Variants in KRT33A observed in about 807,000 individuals in gnomAD.
KRT33A encodes the protein keratin, type I cuticular Ha3-I.
In KRT33A, 44 loss-of-function variants were observed where a neutral mutation model predicts 41.1. That is an observed-to-expected ratio of 1.07 (90% confidence interval 0.84 to 1.38). The LOEUF (loss-of-function observed/expected upper bound fraction) is 1.38, where lower values mean the gene tolerates loss of function less well. Ranked by LOEUF, KRT33A falls within the 40% of genes most tolerant of loss-of-function variation. The probability of loss-of-function intolerance (pLI) is 0.00; values close to 1 mark genes in which losing one functional copy is unlikely to be tolerated. For synonymous variants in KRT33A, 229 were observed against 227.8 expected (o/e 1.01, Z -0.05); for missense variants, 536 against 518.5 (o/e 1.03, Z -0.33).
chr17:41,347,263 C>A, intron 3 of KRT33A, 41 bp from the exon 4 acceptor site: 1 of 1,562,118 alleles, frequency 6.4e-7, no homozygotes, highest in Non-Finnish European at 8.6e-7. Flanking sequence ...CACAAAGGAT[C>A]TTGGTGCTCT....
intron 1 of KRT33A, among the ~76,000 whole-genome samples, 167 bp downstream of exon 1, chr17:41,350,253 G>A (rs2017485615): frequency 6.6e-6 from 1 of 152,084 alleles, no homozygotes. Flanking sequence ...CAAATATTTA[G>A]ACCTAACAGT....
At position 41,346,589 on chromosome 17, in the gene KRT33A, G is replaced by A. The variant is rs776896897; in HGVS notation, c.956C>T (p.Thr319Ile). Residue 319 changes from threonine to isoleucine, a missense_variant, in exon 6 of 7, where the codon ACC becomes ATC. By Grantham distance (89) the Thr-to-Ile change is moderately conservative. Coordinates refer to ENST00000007735, the MANE Select transcript of KRT33A (RefSeq NM_004138.4). ...SQLSQVQRLITNVESQLAEIR... is the reference protein window; with the variant it reads ...SQLSQVQRLIINVESQLAEIR... Reference sequence around the variant, plus strand: ...CTCCGCCAGCTGGGACTCCACGTTGGTGATCAGTCTCTGCACCTGGGACAG... The same window carrying A: ...CTCCGCCAGCTGGGACTCCACGTTGATGATCAGTCTCTGCACCTGGGACAG... 5.0e-6 allele frequency: 8 copies of A among 1,614,118 alleles called. No individual in the cohort carries two copies. The highest frequency in any genetic ancestry group is 4.5e-5 in the East Asian group (2 of 44,886).
intron 3 of KRT33A, among the ~76,000 whole-genome samples, chr17:41,348,098 T>C (rs1448942854): frequency 1.3e-5 from 2 of 152,216 alleles, no homozygotes; most frequent in African/African-American, 2.4e-5. Context: ...CGAAGAGAAT[T>C]GCATTTTGTT....
In KRT33A at chr17:41,349,425, G is replaced by A; in HGVS notation, c.352C>T (p.Leu118=). The change falls in exon 2 of 7, where the codon CTG becomes TTG. Residue 118 remains leucine (L), a synonymous_variant. Coordinates refer to ENST00000007735, the MANE Select transcript of KRT33A (RefSeq NM_004138.4). ...CTGGCATTCTCAGACTTGCTGCACA[G>A]GATCTAGAAGGCCCAAAACATTCAA... is the stretch of plus-strand genomic sequence containing the variant. ...KTIEELQQKI[L]CSKSENARLV... The A allele has an allele frequency of 6.2e-7, 1 of 1,614,096 alleles. No homozygotes were observed. The highest frequency in any genetic ancestry group is 8.5e-7 in the Non-Finnish European group (1 of 1,180,014).
intron 3 of KRT33A, among the ~76,000 whole-genome samples, chr17:41,348,074 G>A (rs1203347647): frequency 1.3e-5 from 2 of 152,248 alleles, no homozygotes; most frequent in Non-Finnish European, 2.9e-5. Context: ...AGCAGAAAGA[G>A]CTCTGGACAG....
intron 3 of KRT33A, 65 bp downstream of exon 3, chr17:41,348,418 G>A (rs902532828): frequency 4.4e-6 from 7 of 1,574,066 alleles, no homozygotes. Context: ...GCCTGTCCTG[G>A]ACCCTGTGGC....
In KRT33A at chr17:41,346,123, T is replaced by C; in HGVS notation, c.1211A>G (p.Tyr404Cys). The C allele has an allele frequency of 6.2e-7, 1 of 1,607,860 alleles. No homozygotes were observed. The highest frequency in any genetic ancestry group is 1.1e-5 in the South Asian group (1 of 90,960). Residue 404 changes from tyrosine (Y) to cysteine (C), a missense_variant, in exon 7 of 7, where the codon TAC becomes TGC. Coordinates refer to ENST00000007735, the MANE Select transcript of KRT33A (RefSeq NM_004138.4). ...CTCCTCCTGGTTGTGGGGCCTCTAG[T>C]ACCCAAATGTGTTGCAAGGCCCACA... ...ARCGPCNTFG[Y>C]
Position 41,348,497 on chromosome 17 carries a change from G to T in KRT33A, c.574C>A (p.Gln192Lys). 6.2e-7 allele frequency: 1 copy of T among 1,614,016 alleles called. No homozygotes were observed. Among genetic ancestry groups the T allele is most frequent in the South Asian group, 1.1e-5 (1 of 91,068 alleles). The stretch of plus-strand genomic sequence containing the variant: ...AGGGAACTCACCTGCTCATGGTTCT[G>T]CTTGAGGCACAGCAGCTCCTCCTTC... Reference protein sequence around the residue: ...SLKEELLCLKQNHEQEVNTLR... With the variant: ...SLKEELLCLKKNHEQEVNTLR... Residue 192 changes from glutamine to lysine, a missense_variant, in exon 3 of 7, where the codon CAG becomes AAG. Coordinates refer to ENST00000007735, the MANE Select transcript of KRT33A (RefSeq NM_004138.4).
chr17:41,346,820 C>A lies in KRT33A; in HGVS notation c.876+24G>T, dbSNP rs529758063. 8.7e-6 allele frequency: 14 copies of A among 1,611,590 alleles called. No homozygotes were observed. In the South Asian group the frequency reaches 1.5e-4, roughly 18 times the overall value. Reference sequence around the variant, plus strand: ...CTGCCTCCCAAGTTCCCATCGCTCACCAGCAGGTCTGAACAATACACACCA... The same window carrying A: ...CTGCCTCCCAAGTTCCCATCGCTCAACAGCAGGTCTGAACAATACACACCA... On this transcript the variant is annotated intron_variant, in intron 5 of 6. Coordinates refer to ENST00000007735, the MANE Select transcript of KRT33A (RefSeq NM_004138.4).
chr17:41,350,476 A>G lies in KRT33A; in HGVS notation c.292T>C (p.Leu98=). The stretch of plus-strand genomic sequence containing the variant: ...TAGGACTGGTAGCTGGCACACACCA[A>G]GGGCTCCTGCTGCTGTGACCGCTCC... ...IRERSQQQEP[L]VCASYQSYFK... The change falls in exon 1 of 7, where the codon TTG becomes CTG. Residue 98 remains leucine, a synonymous_variant. Transcript: ENST00000007735. 1 of 1,614,088 alleles carries G rather than the reference A, an allele frequency of 6.2e-7. No individual in the cohort carries two copies. Among genetic ancestry groups the G allele is most frequent in the Non-Finnish European group, 8.5e-7 (1 of 1,180,022 alleles).
chr17:41,350,275 T>C (rs1056104529), intron 1 of KRT33A, 145 bp downstream of exon 1: 6 of 868,342 alleles, frequency 6.9e-6, no homozygotes, highest in East Asian at 5.3e-5. Context: ...CCAAGTCTAG[T>C]ATTAGATGGG....
In KRT33A at chr17:41,350,599, T is replaced by C; in HGVS notation, c.169A>G (p.Lys57Glu). 1 of 1,613,308 alleles carries C rather than the reference T, an allele frequency of 6.2e-7. No homozygotes were observed. The highest frequency in any genetic ancestry group is 8.5e-7 in the Non-Finnish European group (1 of 1,180,036). ...FCEGSFNGSE[K>E]ETMQFLNDRL... ...TCGTTCAGGAACTGCATGGTCTCCT[T>C]CTCACTGCCATTGAAGGAGCCCTCA... The change falls in exon 1 of 7, where the codon AAG (lysine) becomes GAG (glutamate). Residue 57 changes from lysine to glutamate, a missense_variant. Physicochemically the swap from Lys to Glu is moderately conservative, Grantham distance 56 (BLOSUM62 1). Transcript: ENST00000007735.
In KRT33A at chr17:41,346,205, C is replaced by A. The variant is rs1262442304; in HGVS notation, c.1129G>T (p.Ala377Ser). The change falls in exon 7 of 7, where the codon GCA (alanine) becomes TCA (serine). Residue 377 changes from alanine to serine, a missense_variant. By Grantham distance (99) the Ala-to-Ser change is moderately conservative. Coordinates refer to ENST00000007735, the MANE Select transcript of KRT33A (RefSeq NM_004138.4). ...CAGGGCCCAGTGGACTTGTCACATG[C>A]ATTGGTTGTGGCGCAGGGGTTGGAG... ...LPSNPCATTN[A>S]CDKSTGPCIS... 2 of 1,614,092 alleles carry A rather than the reference C, an allele frequency of 1.2e-6. No individual in the cohort carries two copies. Among genetic ancestry groups the A allele is most frequent in the Non-Finnish European group, 1.7e-6 (2 of 1,179,998 alleles).
In KRT33A at chr17:41,350,441, G is replaced by T. The variant is rs752047674; in HGVS notation, c.327C>A (p.Thr109=). Residue 109 remains threonine (T), a synonymous_variant, in exon 1 of 7, where the codon ACC becomes ACA. Transcript: ENST00000007735. Reference sequence around the variant, plus strand: ...TCACCTTCTGCTGGAGCTCCTCAATGGTCTTGAAGTAGGACTGGTAGCTGG... The same window carrying T: ...TCACCTTCTGCTGGAGCTCCTCAATTGTCTTGAAGTAGGACTGGTAGCTGG... ...VCASYQSYFK[T]IEELQQKILC... 4 of 1,613,904 alleles carry T rather than the reference G, an allele frequency of 2.5e-6. No individual in the cohort carries two copies. Among genetic ancestry groups the T allele is most frequent in the East Asian group, 2.2e-5 (1 of 44,874 alleles).
chr17:41,348,761 T>A (rs1183374332), intron 2 of KRT33A, 122 bp from the exon 3 acceptor site: 13 of 1,050,396 alleles, frequency 1.2e-5, no homozygotes, highest in African/African-American at 3.2e-5. Flanking sequence ...CCATCTCTTT[T>A]GTTTAGGTTT....
At chr17:41,350,205 T>C (rs76400172) in intron 1 of KRT33A, among the ~76,000 whole-genome samples, 6,292 of 152,280 alleles carry the variant, frequency 0.041, 129 homozygotes, top group Middle Eastern at 0.071. Context: ...AGCTCATTTA[T>C]GCAAAGTGCT....
Position 41,346,512 on chromosome 17 carries a change from C to A in KRT33A, c.1033G>T (p.Val345Leu). 1 of 1,613,876 alleles carries A rather than the reference C, an allele frequency of 6.2e-7. No individual in the cohort carries two copies. The highest frequency in any genetic ancestry group is 8.5e-7 in the Non-Finnish European group (1 of 1,179,936). ...QNQEYQVLLD[V>L]RARLECEINT... ...ATCTCACACTCCAGCCGCGCCCGCA[C>A]GTCCAGCAGCACCTGATACTCCTGG... The change falls in exon 6 of 7, where the codon GTG (valine) becomes TTG (leucine). Residue 345 changes from valine to leucine, a missense_variant. Coordinates refer to ENST00000007735, the MANE Select transcript of KRT33A (RefSeq NM_004138.4).
In KRT33A at chr17:41,350,283, G is replaced by A. The variant is rs567816606; in HGVS notation, c.348+137C>T. 4.3e-6 allele frequency: 4 copies of A among 933,496 alleles called. No individual in the cohort carries two copies. The Admixed American group carries it at 8.3e-5, about 19-fold the overall frequency. 57.8% of individuals were successfully genotyped at this position (933,496 alleles called of 1,614,324 possible). On this transcript the variant is annotated intron_variant, in intron 1 of 6. Transcript: ENST00000007735. The stretch of plus-strand genomic sequence containing the variant: ...AACAGTCCCAAGTCTAGTATTAGAT[G>A]GGCCCTCAAAAAACAAAATGGAAAG...
intron 2 of KRT33A, among the ~76,000 whole-genome samples, chr17:41,349,107 A>G (rs555688996): frequency 1.3e-5 from 2 of 152,216 alleles, no homozygotes; most frequent in African/African-American, 2.4e-5. Context: ...ACACGTCTAC[A>G]CTAACTCACA....
Sources: allele counts gnomAD v4.1 joint callset (sites outside exome capture counted in the v4.1 genomes callset), GRCh38; gene constraint gnomAD v4.1.1; transcripts MANE v1.5; gene names NCBI Gene and HGNC (gene_info 2026-07-23, HGNC 2026-07-21).